Variants in PRKG1 observed in about 807,000 individuals in gnomAD.
PRKG1 encodes the protein cGMP-dependent protein kinase 1.
In PRKG1, 35 loss-of-function variants were observed where a neutral mutation model predicts 88.1. The ratio of observed to expected loss-of-function variants is 0.40; its 90% CI spans 0.30 to 0.53. The LOEUF (loss-of-function observed/expected upper bound fraction) is 0.53. PRKG1 is among the 20% of genes least tolerant of loss of function. The probability of loss-of-function intolerance (pLI) is 0.59; values close to 1 mark genes in which losing one functional copy is unlikely to be tolerated. For synonymous variants in PRKG1, 303 were observed against 292.5 expected (o/e 1.04, Z -0.37); for missense variants, 540 against 839.8 (o/e 0.64, Z 4.41).
At chr10:51,205,878 AC>A (rs1589242940) in intron 2 of PRKG1, among the ~76,000 whole-genome samples, 1 of 152,104 alleles carries the variant, frequency 6.6e-6, no homozygotes, top group East Asian at 1.9e-4. Context: ...ATTTTTCTGT[AC>A]CCTTCTCACT....
chr10:51,598,840 G>C (rs1160983150), intron 3 of PRKG1, among the ~76,000 whole-genome samples: 1 of 152,092 alleles, frequency 6.6e-6, no homozygotes, highest in Non-Finnish European at 1.5e-5. Flanking sequence ...GAGTGAATGG[G>C]AAACAATTTA....
chr10:51,056,909 C>A (rs1237151846), intron 1 of PRKG1, among the ~76,000 whole-genome samples: 1 of 152,220 alleles, frequency 6.6e-6, no homozygotes, highest in Non-Finnish European at 1.5e-5. Flanking sequence ...CACCTATTCA[C>A]ATCCTACTGT....
At chr10:51,899,671 GTATATA>G (rs57320165) in intron 4 of PRKG1, among the ~76,000 whole-genome samples, 21 of 120,364 alleles carry the variant, frequency 1.7e-4, no homozygotes, top group South Asian at 1.1e-3. Context: ...AAAGAAAAAT[GTATATA>G]TATATATATA....
chr10:51,271,121 T>C (rs1286347729), intron 2 of PRKG1, among the ~76,000 whole-genome samples: 2 of 152,184 alleles, frequency 1.3e-5, no homozygotes, highest in East Asian at 3.9e-4. Flanking sequence ...TATGTGGCCA[T>C]ACAGCTGTGA....
intron 3 of PRKG1, among the ~76,000 whole-genome samples, chr10:51,536,237 C>T (rs192993578): frequency 1.4e-4 from 21 of 152,286 alleles, no homozygotes; most frequent in African/African-American, 4.3e-4. Flanking sequence ...GGAAAGGACA[C>T]TCATCCTAGG....
chr10:51,868,259 C>A (rs1354475608), intron 4 of PRKG1, among the ~76,000 whole-genome samples: 1 of 152,116 alleles, frequency 6.6e-6, no homozygotes, highest in African/African-American at 2.4e-5. Context: ...TAGCAACCAG[C>A]ATGGTTGCCC....
At chr10:51,561,508 T>C in intron 3 of PRKG1, among the ~76,000 whole-genome samples, 1 of 152,092 alleles carries the variant, frequency 6.6e-6, no homozygotes, top group East Asian at 1.9e-4. Flanking sequence ...TTCCATCCTA[T>C]CAACAGCCCT....
intron 3 of PRKG1, among the ~76,000 whole-genome samples, chr10:51,664,779 A>G (rs1242392415): frequency 6.6e-6 from 1 of 152,192 alleles, no homozygotes; most frequent in African/African-American, 2.4e-5. Flanking sequence ...CTTCCTGAAC[A>G]TCAATGTTCT....
intron 5 of PRKG1, among the ~76,000 whole-genome samples, chr10:51,913,623 C>A (rs942297613): frequency 7.9e-5 from 12 of 152,124 alleles, no homozygotes; most frequent in African/African-American, 2.9e-4. Flanking sequence ...GGTCAAAAAT[C>A]TGTCCAGACC....
intron 2 of PRKG1, among the ~76,000 whole-genome samples, chr10:51,260,912 A>T (rs10996376): frequency 0.13 from 19,200 of 152,164 alleles, 1,788 homozygotes; most frequent in African/African-American, 0.27. Flanking sequence ...CAAGTACACT[A>T]TATGTCTGTT....
chr10:51,913,286 T>C lies in PRKG1; in HGVS notation c.762+5716T>C, dbSNP rs566372249. ...AGGTTTGTTACACGAGGATATTGCA[T>C]GATGCTGAGCTTTAGGGAATGGATC... On this transcript the variant is annotated intron_variant, in intron 5 of 17. Coordinates refer to ENST00000373980, the MANE Select transcript of PRKG1 (RefSeq NM_006258.4). 3.3e-5 allele frequency among the ~76,000 whole-genome samples: 5 copies of C among 152,294 alleles called. No homozygotes were observed. The South Asian group carries it at 1.0e-3, about 32-fold the overall frequency.
intron 5 of PRKG1, among the ~76,000 whole-genome samples, chr10:51,992,011 A>T (rs1460796183): frequency 6.6e-6 from 1 of 152,210 alleles, no homozygotes; most frequent in Non-Finnish European, 1.5e-5. Context: ...ACCAAGTCAA[A>T]GGTAAAAATA....
At chr10:51,961,844 T>C (rs1843455096) in intron 5 of PRKG1, among the ~76,000 whole-genome samples, 1 of 152,118 alleles carries the variant, frequency 6.6e-6, no homozygotes, top group Non-Finnish European at 1.5e-5. Flanking sequence ...ACTCTTCCAG[T>C]TATTTAGAGA....
At chr10:51,050,016 C>T (rs899058822) in intron 1 of PRKG1, among the ~76,000 whole-genome samples, 1 of 151,992 alleles carries the variant, frequency 6.6e-6, no homozygotes, top group African/African-American at 2.4e-5. Context: ...AAATTCAGGT[C>T]AATGGAAATT....
intron 5 of PRKG1, among the ~76,000 whole-genome samples, chr10:51,990,101 C>T (rs1350545842): frequency 6.6e-6 from 1 of 152,080 alleles, no homozygotes; most frequent in Admixed American, 6.6e-5. Context: ...CCTCACTGTA[C>T]ATTCTTGGCA....
At chr10:51,235,188 GC>G (rs1017129666) in intron 2 of PRKG1, among the ~76,000 whole-genome samples, 2 of 152,160 alleles carry the variant, frequency 1.3e-5, no homozygotes, top group Admixed American at 1.3e-4. Context: ...CCCTGGCCAA[GC>G]CTTCTTTGAA....
intron 7 of PRKG1, among the ~76,000 whole-genome samples, chr10:52,090,108 CG>C (rs1218835025): frequency 2.0e-5 from 3 of 151,954 alleles, no homozygotes; most frequent in African/African-American, 7.3e-5. Context: ...CCACCACACC[CG>C]GCCTAGATTG....
chr10:51,698,115 C>T, intron 3 of PRKG1: 1 of 1,614,114 alleles, frequency 6.2e-7, no homozygotes, highest in South Asian at 1.1e-5. Flanking sequence ...TTAATGGGAC[C>T]AGGACCCTGA....
chr10:51,711,823 C>T (rs1250660865), intron 3 of PRKG1, among the ~76,000 whole-genome samples: 1 of 152,190 alleles, frequency 6.6e-6, no homozygotes, highest in Non-Finnish European at 1.5e-5. Context: ...TAGAAGAAAA[C>T]ACTTTAATAG....
Sources: allele counts gnomAD v4.1 joint callset (sites outside exome capture counted in the v4.1 genomes callset), GRCh38; gene constraint gnomAD v4.1.1; transcripts MANE v1.5; gene names NCBI Gene and HGNC (gene_info 2026-07-23, HGNC 2026-07-21).